The following RYR2 variants were observed in gnomAD, a reference collection of about 807,000 sequenced individuals.
RYR2 encodes the protein cardiac muscle ryanodine receptor-calcium release channel.
RYR2 carries 227 observed loss-of-function variants against 601.1 expected under a neutral mutation model. The observed-to-expected ratio is 0.38, with a 90% CI of 0.34 to 0.42. RYR2 has a LOEUF of 0.42. Among genes scored for constraint, RYR2 ranks in the 10% least tolerant of loss-of-function variants. The pLI is 1.00. For synonymous variants in RYR2, 2,223 were observed against 2,175.1 expected, an observed-to-expected ratio of 1.02 and a Z score of -0.61; for missense variants, 4,646 against 6,156.5, an observed-to-expected ratio of 0.75 and a Z score of 8.21.
chr1:237,551,946 C>G (rs1342488565), intron 27 of RYR2, among the ~76,000 whole-genome samples: 2 of 152,094 alleles, frequency 1.3e-5, no homozygotes, highest in African/African-American at 4.8e-5. Flanking sequence ...GTGTAGGATC[C>G]TAATCATAGG....
chr1:237,338,575 G>A (rs1203250203), intron 3 of RYR2, among the ~76,000 whole-genome samples: 2 of 152,120 alleles, frequency 1.3e-5, no homozygotes, highest in Non-Finnish European at 2.9e-5. Flanking sequence ...TAGTGAGTGT[G>A]GTATTATTTT....
chr1:237,797,760 T>C (rs1217403472), intron 96 of RYR2, among the ~76,000 whole-genome samples: 1 of 152,238 alleles, frequency 6.6e-6, no homozygotes, highest in Non-Finnish European at 1.5e-5. Flanking sequence ...CCTCCATTTC[T>C]TATGCTTTTA....
chr1:237,070,107 T>TGCA (rs1410887086), intron 1 of RYR2, among the ~76,000 whole-genome samples: 3 of 150,350 alleles, frequency 2.0e-5, no homozygotes, highest in Admixed American at 1.3e-4. Flanking sequence ...CATGGCTCAC[T>TGCA]GCAGCCTTGA....
At chr1:237,611,791 T>G (rs1401417746) in intron 36 of RYR2, among the ~76,000 whole-genome samples, 1 of 152,214 alleles carries the variant, frequency 6.6e-6, no homozygotes, top group East Asian at 1.9e-4. Flanking sequence ...TCCATTTTTA[T>G]ATCTTTAGAT....
chr1:237,526,575 G>T (rs1035541417), intron 24 of RYR2, among the ~76,000 whole-genome samples: 4 of 152,086 alleles, frequency 2.6e-5, no homozygotes, highest in African/African-American at 9.7e-5. Flanking sequence ...TTGAACTCCT[G>T]GGCTCAAGCA....
At chr1:237,728,755 A>C (rs1690421199) in intron 76 of RYR2, among the ~76,000 whole-genome samples, 1 of 136,344 alleles carries the variant, frequency 7.3e-6, no homozygotes, top group South Asian at 2.4e-4. Flanking sequence ...GGATACAGGG[A>C]GGGGAACATC....
At chr1:237,516,557 A>G (rs1294891487) in intron 24 of RYR2, among the ~76,000 whole-genome samples, 1 of 152,146 alleles carries the variant, frequency 6.6e-6, no homozygotes, top group Non-Finnish European at 1.5e-5. Context: ...TACCTCCCCA[A>G]ATATCCATCT....
intron 100 of RYR2, among the ~76,000 whole-genome samples, chr1:237,811,781 G>A (rs1201016670): frequency 6.6e-6 from 1 of 152,144 alleles, no homozygotes; most frequent in Admixed American, 6.5e-5. Context: ...AAAATCATCT[G>A]TAATTTTCAA....
At chr1:237,342,822 A>G (rs1363909407) in intron 3 of RYR2, among the ~76,000 whole-genome samples, 1 of 152,180 alleles carries the variant, frequency 6.6e-6, no homozygotes, top group African/African-American at 2.4e-5. Flanking sequence ...GAATGGGCCT[A>G]ATATTGCCGC....
chr1:237,788,366 AC>A (rs1657914548), intron 92 of RYR2, among the ~76,000 whole-genome samples: 1 of 152,076 alleles, frequency 6.6e-6, no homozygotes, highest in South Asian at 2.1e-4. Context: ...ACTCCCTGAA[AC>A]CCTTTCATTT....
chr1:237,630,924 G>C (rs1329895422), intron 41 of RYR2, among the ~76,000 whole-genome samples: 1 of 152,050 alleles, frequency 6.6e-6, no homozygotes, highest in Non-Finnish European at 1.5e-5. Context: ...TTAAGTATTT[G>C]TCAGAATGAT....
chr1:237,273,837 A>G (rs538581814), intron 2 of RYR2, among the ~76,000 whole-genome samples: 16 of 149,040 alleles, frequency 1.1e-4, no homozygotes, highest in African/African-American at 3.9e-4. Flanking sequence ...AAAGAGATAT[A>G]TAAAAATATA....
In RYR2 at chr1:237,466,340, A is replaced by T. The variant is rs10925423; in HGVS notation, c.1613-2752A>T. 1.1e-3 allele frequency among the ~76,000 whole-genome samples: 164 copies of T among 152,072 alleles called. 1 individual carries two copies. The highest frequency in any genetic ancestry group is 3.4e-3 in the African/African-American group (142 of 41,518). ...ACCATCAAACCTGGAAAAATTTTTT[A>T]AAAATTTTGCACAGACTGGGTCATG... On this transcript the variant is annotated intron_variant, in intron 16 of 104. Coordinates refer to ENST00000366574, the MANE Select transcript of RYR2 (RefSeq NM_001035.3).
intron 27 of RYR2, among the ~76,000 whole-genome samples, chr1:237,556,572 G>A (rs1670909853): frequency 6.6e-6 from 1 of 150,956 alleles, no homozygotes; most frequent in East Asian, 2.0e-4. Flanking sequence ...GCCTCCCAAA[G>A]TGCTGGGATT....
chr1:237,112,916 A>T (rs1052508240), intron 1 of RYR2, among the ~76,000 whole-genome samples: 1 of 152,070 alleles, frequency 6.6e-6, no homozygotes, highest in Non-Finnish European at 1.5e-5. Flanking sequence ...TTTTATCCCT[A>T]AGTGCCCTAC....
At chr1:237,358,263 G>A (rs1391247528) in intron 4 of RYR2, among the ~76,000 whole-genome samples, 3 of 152,096 alleles carry the variant, frequency 2.0e-5, no homozygotes, top group Non-Finnish European at 4.4e-5. Flanking sequence ...TGTATAATAG[G>A]TGAACTTGAA....
rs117277687 is a variant in RYR2 at position 237,700,930 on chromosome 1, A to G, written c.9367+463A>G. Among the ~76,000 whole-genome samples the G allele has an allele frequency of 3.9e-4, 60 of 152,364 alleles. No homozygotes were observed. The East Asian group carries it at 0.011, about 27-fold the overall frequency. ...ATTGGCCTTTTAGAGTGGCTCAAAT[A>G]TCCTCTGTTTAGAGGTTTCTGACAG... On this transcript the variant is annotated intron_variant, in intron 65 of 104. Coordinates refer to ENST00000366574, the MANE Select transcript of RYR2 (RefSeq NM_001035.3).
intron 95 of RYR2, among the ~76,000 whole-genome samples, chr1:237,794,574 C>A (rs1346621472): frequency 6.6e-6 from 1 of 152,112 alleles, no homozygotes; most frequent in Non-Finnish European, 1.5e-5. Flanking sequence ...AGTATAAGTC[C>A]ATCACAAAAG....
chr1:237,583,479 A>G (rs1279013152), intron 29 of RYR2, among the ~76,000 whole-genome samples: 1 of 152,112 alleles, frequency 6.6e-6, no homozygotes. Flanking sequence ...CTCATCTGAA[A>G]AAATGGGATT....
Sources: gnomAD v4.1 joint callset for allele counts (sites outside exome capture counted in the v4.1 genomes callset) on GRCh38, gnomAD v4.1.1 for gene constraint, MANE v1.5 for transcripts, NCBI Gene and HGNC (gene_info 2026-07-23, HGNC 2026-07-21) for gene names.